The following TNRC6A variants were observed in gnomAD, a reference collection of about 807,000 sequenced individuals.
TNRC6A encodes the protein trinucleotide repeat-containing gene 6A protein.
Under a neutral mutation model 221.2 loss-of-function variants are expected in TNRC6A, and 44 were observed. That is an observed-to-expected ratio of 0.20 (90% CI 0.16 to 0.26). TNRC6A has a LOEUF of 0.26. Among genes scored for constraint, TNRC6A ranks in the 10% least tolerant of loss-of-function variants. The pLI is 1.00. For synonymous variants in TNRC6A, 847 were observed against 838.5 expected (o/e 1.01, Z -0.18); for missense variants, 2,199 against 2,404.4 (o/e 0.91, Z 1.79).
chr16:24,757,206 T>C (rs1351011396), intron 3 of TNRC6A, among the ~76,000 whole-genome samples: 2 of 152,160 alleles, frequency 1.3e-5, no homozygotes, highest in African/African-American at 2.4e-5. Flanking sequence ...TCACTAGTGC[T>C]CTAAAACTTA....
chr16:24,711,661 T>C (rs1042346790), intron 2 of TNRC6A, among the ~76,000 whole-genome samples: 4 of 144,194 alleles, frequency 2.8e-5, no homozygotes, highest in African/African-American at 1.1e-4. Flanking sequence ...TGTATTTAAA[T>C]AGTTCCTTTT....
At chr16:24,616,530 C>G (rs34610971) in intron 1 of TNRC6A, among the ~76,000 whole-genome samples, 14,171 of 152,096 alleles carry the variant, frequency 0.093, 1,039 homozygotes, top group African/African-American at 0.2. Flanking sequence ...ATCTTGACAA[C>G]AGTCAGAAAA....
At chr16:24,762,857 G>A (rs1004144914) in intron 4 of TNRC6A, among the ~76,000 whole-genome samples, 8 of 152,224 alleles carry the variant, frequency 5.3e-5, no homozygotes, top group African/African-American at 1.9e-4. Context: ...AAGATGTGAA[G>A]GACACACCAT....
chr16:24,795,810 G>C, intron 8 of TNRC6A, 97 bp from the exon 9 acceptor site: 1 of 1,221,930 alleles, frequency 8.2e-7, no homozygotes, highest in Non-Finnish European at 1.1e-6. Context: ...TAACTAGTAA[G>C]CGACAGAGTA....
chr16:24,750,725 G>A lies in TNRC6A; in HGVS notation c.54-1G>A. Reference sequence around the variant, plus strand: ...AACTTAATTGCAACTGTGTGGTTCAGGGATTTAGTGCAAGAAGAAGAACAG... The same window carrying A: ...AACTTAATTGCAACTGTGTGGTTCAAGGATTTAGTGCAAGAAGAAGAACAG... On this transcript the variant is annotated splice_acceptor_variant, in intron 2 of 24. Coordinates refer to ENST00000395799, the MANE Select transcript of TNRC6A (RefSeq NM_014494.4). LOFTEE classifies it high-confidence loss of function. 1 of 1,530,530 alleles carries A rather than the reference G, an allele frequency of 6.5e-7. No individual in the cohort carries two copies. The allele number at this position is 1,530,530 out of a possible 1,614,324, so 94.8% of individuals were successfully genotyped here. A position where few individuals can be genotyped will look rare whatever the true frequency, so the allele number is the denominator to read the frequency against.
intron 9 of TNRC6A, 122 bp downstream of exon 9, chr16:24,796,061 A>G (rs962036168): frequency 1.9e-6 from 2 of 1,056,788 alleles, no homozygotes; most frequent in African/African-American, 1.6e-5. Context: ...TGGGGATTCA[A>G]ATACACTAAG....
Position 24,629,327 on chromosome 16 carries a change from A to T in TNRC6A, n.277-11557A>T, listed in dbSNP as rs542787351. On this transcript the variant is annotated intron_variant and non_coding_transcript_variant, in intron 1 of 2. Transcript: ENST00000566108. ...GACAAGGCTGACTTATAAATCCAAC[A>T]AACAGAATCGCTAAGTGCTTAAACA... Among the ~76,000 whole-genome samples, 6 of 152,332 alleles carry T rather than the reference A, an allele frequency of 3.9e-5. No individual in the cohort carries two copies. In the South Asian group the frequency reaches 1.2e-3, roughly 32 times the overall value.
At chr16:24,788,030 T>G (rs2058012329) in intron 5 of TNRC6A, among the ~76,000 whole-genome samples, 1 of 152,184 alleles carries the variant, frequency 6.6e-6, no homozygotes, top group Non-Finnish European at 1.5e-5. Flanking sequence ...TTATGCAGGT[T>G]AATGGCCCTG....
chr16:24,790,489 A>G lies in TNRC6A; in HGVS notation c.1847A>G (p.Glu616Gly). 1 of 1,614,250 alleles carries G rather than the reference A, an allele frequency of 6.2e-7. No homozygotes were observed. Among genetic ancestry groups the G allele is most frequent in the Non-Finnish European group, 8.5e-7 (1 of 1,180,040 alleles). ...ACTGGCACTAATTTACCCAGCGTTG[A>G]GTGGAACAAACTGCCTAGCAATCAG... ...QNTGTNLPSVEWNKLPSNQHS... is the reference protein window; with the variant it reads ...QNTGTNLPSVGWNKLPSNQHS... The change falls in exon 6 of 25, where the codon GAG becomes GGG. Residue 616 changes from glutamate (E) to glycine (G), a missense_variant. By Grantham distance (98) the Glu-to-Gly change is moderately conservative. Transcript: ENST00000395799.
chr16:24,635,223 A>T (rs1901577144), intron 1 of TNRC6A, among the ~76,000 whole-genome samples: 1 of 141,778 alleles, frequency 7.1e-6, no homozygotes, highest in African/African-American at 2.6e-5. Flanking sequence ...GGAACTCTAT[A>T]CCCTTCATCT....
At position 24,735,182 on chromosome 16, in the gene TNRC6A, T is replaced by TGAGGCAG. The variant is rs1288432663; in HGVS notation, c.53+4886_53+4892dup. Among the ~76,000 whole-genome samples, 9 of 152,188 alleles carry TGAGGCAG rather than the reference T, an allele frequency of 5.9e-5. No homozygotes were observed. In the East Asian group the frequency reaches 1.7e-3, roughly 29 times the overall value. On this transcript the variant is annotated intron_variant, in intron 2 of 24. Coordinates refer to ENST00000395799, the MANE Select transcript of TNRC6A (RefSeq NM_014494.4). ...CTGTAATCCCAGCTACTTGGGAGGC[T>TGAGGCAG]GAGGCAGGAGAATCTGAACCTGGGA...
intron 2 of TNRC6A, among the ~76,000 whole-genome samples, chr16:24,748,756 C>A (rs1245538915): frequency 6.6e-6 from 1 of 152,150 alleles, no homozygotes; most frequent in African/African-American, 2.4e-5. Flanking sequence ...TTCTTAGGCA[C>A]TTGTCTTTCT....
intron 4 of TNRC6A, among the ~76,000 whole-genome samples, chr16:24,768,932 C>T (rs2057532980): frequency 6.6e-6 from 1 of 152,044 alleles, no homozygotes; most frequent in Admixed American, 6.5e-5. Context: ...GTTGGCTGGT[C>T]CACATTTAAC....
chr16:24,684,642 C>T (rs1415775818), intron 2 of TNRC6A, among the ~76,000 whole-genome samples: 4 of 151,450 alleles, frequency 2.6e-5, no homozygotes, highest in Non-Finnish European at 5.9e-5. Flanking sequence ...CCCATCTCTA[C>T]AAAAAATTTA....
chr16:24,747,545 A>G (rs560580850), intron 2 of TNRC6A, among the ~76,000 whole-genome samples: 1 of 152,284 alleles, frequency 6.6e-6, no homozygotes, highest in East Asian at 1.9e-4. Context: ...TCCTCTTGAT[A>G]GTTGTGGTAA....
intron 2 of TNRC6A, among the ~76,000 whole-genome samples, chr16:24,685,379 C>T (rs1231276127): frequency 6.6e-6 from 1 of 152,092 alleles, no homozygotes; most frequent in Non-Finnish European, 1.5e-5. Flanking sequence ...CTCTGTGGCC[C>T]AGGTTGGAGT....
intron 2 of TNRC6A, among the ~76,000 whole-genome samples, chr16:24,658,397 T>C (rs1241198126): frequency 8.5e-5 from 13 of 152,230 alleles, no homozygotes; most frequent in Non-Finnish European, 8.8e-5. Context: ...TCACTCACTC[T>C]GTCCCCTAGA....
chr16:24,696,347 CAAAAAA>C (rs56696667), intron 2 of TNRC6A, among the ~76,000 whole-genome samples: 229 of 125,580 alleles, frequency 1.8e-3, no homozygotes, highest in Middle Eastern at 4.6e-3. Flanking sequence ...GACTCCATCT[CAAAAAA>C]AAAAAAAAAA....
intron 4 of TNRC6A, among the ~76,000 whole-genome samples, chr16:24,760,138 G>A (rs1023350642): frequency 1.3e-5 from 2 of 151,384 alleles, no homozygotes; most frequent in African/African-American, 4.9e-5. Context: ...GTTCATTCTT[G>A]TTTCTTTTTT....
Sources: gnomAD v4.1 joint callset for allele counts (sites outside exome capture counted in the v4.1 genomes callset) on GRCh38, gnomAD v4.1.1 for gene constraint, MANE v1.5 for transcripts, NCBI Gene and HGNC (gene_info 2026-07-23, HGNC 2026-07-21) for gene names.